MLLT11: variants seen among roughly 807,000 people sequenced by gnomAD.
MLLT11 encodes the protein MLLT11 transcription factor 7 cofactor.
Under a neutral mutation model 5.3 loss-of-function variants are expected in MLLT11, and 1 was observed. The ratio of observed to expected loss-of-function variants is 0.19; its 90% CI spans 0.07 to 0.89. The LOEUF is 0.89. Among genes scored for constraint, MLLT11 ranks in the 40% least tolerant of loss-of-function variants. The probability of loss-of-function intolerance (pLI) is 0.67; values close to 1 mark genes in which losing one functional copy is unlikely to be tolerated. For missense variants in MLLT11, 87 were observed against 107.3 expected (o/e 0.81, Z 0.83); for synonymous variants, 38 against 41.7 (o/e 0.91, Z 0.34).
At chr1:151,062,318 T>A (rs187695634) in intron 1 of MLLT11, among the ~76,000 whole-genome samples, 6 of 152,128 alleles carry the variant, frequency 3.9e-5, no homozygotes, top group Non-Finnish European at 8.8e-5. Context: ...ATTTCTAAGA[T>A]GTCTTCTAGT....
At chr1:151,064,175 C>T (rs1039594421) in intron 1 of MLLT11, among the ~76,000 whole-genome samples, 5 of 152,134 alleles carry the variant, frequency 3.3e-5, no homozygotes, top group Admixed American at 6.6e-5. Flanking sequence ...GCATGCGCCA[C>T]CTCGCCTGGC....
Position 151,067,302 on chromosome 1 carries a change from G to A in MLLT11, c.78G>A (p.Glu26=). Residue 26 remains glutamate, a synonymous_variant, in exon 2 of 2, where the codon GAG becomes GAA. Coordinates refer to ENST00000368921, the MANE Select transcript of MLLT11 (RefSeq NM_006818.4). Reference sequence around the variant, plus strand: ...CCATCCCAGAACTGGATCTGTCGGAGCTGGAAGGCCTGGGTCTGTCAGATA... The same window carrying A: ...CCATCCCAGAACTGGATCTGTCGGAACTGGAAGGCCTGGGTCTGTCAGATA... The part of the protein sequence containing the change: ...RMPIPELDLS[E]LEGLGLSDTA... 6.2e-7 allele frequency: 1 copy of A among 1,614,078 alleles called. No homozygotes were observed.
chr1:151,068,832 G>A lies in MLLT11; in HGVS notation c.*1335G>A, dbSNP rs1394775736. 2.0e-5 allele frequency among the ~76,000 whole-genome samples: 3 copies of A among 152,170 alleles called. No homozygotes were observed. The highest frequency in any genetic ancestry group is 2.1e-4 in the South Asian group (1 of 4,834). ...ACTCCTGACCTCAGGTGATCTGCCC[G>A]CCTTAGCCTCTCAAAGTGCTGAGAT... On this transcript the variant is annotated 3_prime_UTR_variant, in exon 2 of 2. Coordinates refer to ENST00000368921, the MANE Select transcript of MLLT11 (RefSeq NM_006818.4).
chr1:151,062,175 GT>G (rs1349622020), intron 1 of MLLT11, among the ~76,000 whole-genome samples: 1 of 151,722 alleles, frequency 6.6e-6, no homozygotes, highest in Non-Finnish European at 1.5e-5. Flanking sequence ...ATTCTTTTAA[GT>G]TTTGGGAATA....
chr1:151,064,117 G>T (rs912062480), intron 1 of MLLT11, among the ~76,000 whole-genome samples: 5 of 152,152 alleles, frequency 3.3e-5, no homozygotes, highest in Admixed American at 6.5e-5. Flanking sequence ...CACCTCCCAG[G>T]TTCAAGCAAT....
chr1:151,063,814 G>C (rs1262276306), intron 1 of MLLT11, among the ~76,000 whole-genome samples: 1 of 152,194 alleles, frequency 6.6e-6, no homozygotes, highest in African/African-American at 2.4e-5. Context: ...GGCAGGGCTT[G>C]GGTAGAATGA....
At position 151,067,614 on chromosome 1, in the gene MLLT11, A is replaced by C; in HGVS notation, c.*117A>C. 1.7e-6 allele frequency: 2 copies of C among 1,157,722 alleles called. No homozygotes were observed. The highest frequency in any genetic ancestry group is 3.0e-4 in the Middle Eastern group (1 of 3,308). 71.7% of individuals were successfully genotyped at this position (1,157,722 alleles called of 1,614,324 possible). On this transcript the variant is annotated 3_prime_UTR_variant, in exon 2 of 2. Coordinates refer to ENST00000368921, the MANE Select transcript of MLLT11 (RefSeq NM_006818.4). ...TCTCCCTACTGTGTTGGTGGTGCTG[A>C]TGAATCTGCCAGAGTTGAGTTCTAT...
At chr1:151,067,031 CT>C (rs1676484413) in intron 1 of MLLT11, 187 bp from the exon 2 acceptor site, 22 of 474,572 alleles carry the variant, frequency 4.6e-5, no homozygotes, top group South Asian at 1.6e-4. Context: ...TGGTGAGTTT[CT>C]TTTTTTTCCT....
At position 151,068,354 on chromosome 1, in the gene MLLT11, GCA is replaced by G. The variant is rs1676503365; in HGVS notation, c.*860_*861del. On this transcript the variant is annotated 3_prime_UTR_variant, in exon 2 of 2. Transcript: ENST00000368921. Reference sequence around the variant, plus strand: ...TGCAATACGTAATACTGATCAGTGGGCACAGTTCTTCAGCTACATTGAGACCC... The same window carrying G: ...TGCAATACGTAATACTGATCAGTGGGCAGTTCTTCAGCTACATTGAGACCC... 1 of 225,986 alleles carries G rather than the reference GCA, an allele frequency of 4.4e-6. No homozygotes were observed. The highest frequency in any genetic ancestry group is 2.3e-5 in the African/African-American group (1 of 44,116). The allele number at this position is 225,986 out of a possible 1,614,324, so 14.0% of individuals were successfully genotyped here.
Position 151,069,432 on chromosome 1 carries a change from GT to G in MLLT11, c.*1936del, listed in dbSNP as rs1376652406. Among the ~76,000 whole-genome samples, 1 of 152,190 alleles carries G rather than the reference GT, an allele frequency of 6.6e-6. No individual in the cohort carries two copies. On this transcript the variant is annotated 3_prime_UTR_variant, in exon 2 of 2. Transcript: ENST00000368921. ...TGGGGCCAGGAAGGATAAGTAGTGC[GT>G]CCTTTTCTATTTTTACTGAGTTTTG... is the stretch of plus-strand genomic sequence containing the variant.
intron 1 of MLLT11, among the ~76,000 whole-genome samples, chr1:151,063,626 C>T (rs1270423703): frequency 6.6e-6 from 1 of 152,084 alleles, no homozygotes; most frequent in African/African-American, 2.4e-5. Flanking sequence ...GGGGTTTCAC[C>T]GTGTTAGCCA....
chr1:151,067,343 T>C lies in MLLT11; in HGVS notation c.119T>C (p.Val40Ala). The change falls in exon 2 of 2, where the codon GTC becomes GCC. Residue 40 changes from valine (V) to alanine (A), a missense_variant. By Grantham distance (64) the Val-to-Ala change is moderately conservative. Transcript: ENST00000368921. ...LGLSDTATYK[V>A]KDSSVGKMIG... ...CTGTCAGATACAGCCACCTACAAGGTCAAAGACAGCAGCGTTGGCAAAATG... is the reference window on the plus strand; with the variant it reads ...CTGTCAGATACAGCCACCTACAAGGCCAAAGACAGCAGCGTTGGCAAAATG... 6.2e-7 allele frequency: 1 copy of C among 1,614,066 alleles called. No individual in the cohort carries two copies. The highest frequency in any genetic ancestry group is 1.1e-5 in the South Asian group (1 of 91,088).
intron 1 of MLLT11, among the ~76,000 whole-genome samples, chr1:151,062,955 T>C (rs1418102905): frequency 6.6e-6 from 1 of 152,122 alleles, no homozygotes; most frequent in African/African-American, 2.4e-5. Flanking sequence ...ATTATCAGAG[T>C]TGAGTATCAT....
chr1:151,067,103 A>ATAG, intron 1 of MLLT11, 116 bp from the exon 2 acceptor site: 2 of 757,346 alleles, frequency 2.6e-6, no homozygotes, highest in Non-Finnish European at 3.9e-6. Flanking sequence ...TTTAATAGAA[A>ATAG]AAAAAAAAAA....
At chr1:151,065,850 T>C (rs1365104295) in intron 1 of MLLT11, among the ~76,000 whole-genome samples, 1 of 152,154 alleles carries the variant, frequency 6.6e-6, no homozygotes, top group Non-Finnish European at 1.5e-5. Flanking sequence ...GTTTTGTCTT[T>C]TTGTTTTTTG....
Position 151,067,749 on chromosome 1 carries a change from C to A in MLLT11, c.*252C>A, listed in dbSNP as rs967221586. 4 of 535,854 alleles carry A rather than the reference C, an allele frequency of 7.5e-6. No homozygotes were observed. Among genetic ancestry groups the A allele is most frequent in the South Asian group, 2.5e-5 (1 of 40,412 alleles). The allele number at this position is 535,854 out of a possible 1,614,324, so 33.2% of individuals were successfully genotyped here. A position where few individuals can be genotyped will look rare whatever the true frequency, so the allele number is the denominator to read the frequency against. ...GTCACAGGGATTCCTCCTTTCCCCC[C>A]CAAATATTAACTCCAGAAACTAGGC... On this transcript the variant is annotated 3_prime_UTR_variant, in exon 2 of 2. Coordinates refer to ENST00000368921, the MANE Select transcript of MLLT11 (RefSeq NM_006818.4).
chr1:151,063,064 T>G (rs1462593156), intron 1 of MLLT11, among the ~76,000 whole-genome samples: 1 of 152,144 alleles, frequency 6.6e-6, no homozygotes, highest in Non-Finnish European at 1.5e-5. Flanking sequence ...AATGCTCAGT[T>G]CCCAGGGTTT....
intron 1 of MLLT11, among the ~76,000 whole-genome samples, chr1:151,061,362 A>G (rs1182444103): frequency 6.6e-6 from 1 of 152,176 alleles, no homozygotes; most frequent in Non-Finnish European, 1.5e-5. Flanking sequence ...TAGGCCTTGG[A>G]TGCCCACAAA....
In MLLT11 at chr1:151,068,816, C is replaced by A. The variant is rs1006889254; in HGVS notation, c.*1319C>A. On this transcript the variant is annotated 3_prime_UTR_variant, in exon 2 of 2. Transcript: ENST00000368921. ...GCCAGGCTGGTCTCTAACTCCTGACCTCAGGTGATCTGCCCGCCTTAGCCT... is the reference window on the plus strand; with the variant it reads ...GCCAGGCTGGTCTCTAACTCCTGACATCAGGTGATCTGCCCGCCTTAGCCT... Among the ~76,000 whole-genome samples the A allele has an allele frequency of 1.8e-4, 27 of 152,182 alleles. No individual in the cohort carries two copies. The highest frequency in any genetic ancestry group is 1.7e-3 in the Admixed American group (26 of 15,272).
Sources: allele counts gnomAD v4.1 joint callset (sites outside exome capture counted in the v4.1 genomes callset), GRCh38; gene constraint gnomAD v4.1.1; transcripts MANE v1.5; gene names NCBI Gene and HGNC (gene_info 2026-07-23, HGNC 2026-07-21).